The following CSMD3 variants were observed in gnomAD, a reference collection of about 807,000 sequenced individuals.
CSMD3 encodes the protein CUB and sushi domain-containing protein 3.
Under a neutral mutation model 435.2 loss-of-function variants are expected in CSMD3, and 177 were observed. The observed-to-expected ratio is 0.41, with a 90% CI of 0.36 to 0.46. CSMD3 has a LOEUF of 0.46. Among genes scored for constraint, CSMD3 ranks in the 20% least tolerant of loss-of-function variants. The pLI is 0.34. For missense variants in CSMD3, 4,265 were observed against 4,504.6 expected, an observed-to-expected ratio of 0.95 and a Z score of 1.52; for synonymous variants, 1,656 against 1,520.5, an observed-to-expected ratio of 1.09 and a Z score of -2.07.
intron 23 of CSMD3, among the ~76,000 whole-genome samples, chr8:112,582,330 G>C (rs929159751): frequency 6.6e-6 from 1 of 151,918 alleles, no homozygotes; most frequent in African/African-American, 2.4e-5. Flanking sequence ...CATGTTTGTA[G>C]AGCCTGCAGA....
chr8:112,875,884 G>A (rs1188941665), intron 10 of CSMD3, among the ~76,000 whole-genome samples: 1 of 152,032 alleles, frequency 6.6e-6, no homozygotes, highest in East Asian at 1.9e-4. Context: ...GCTTGGAGGA[G>A]TTTGTTATTG....
intron 13 of CSMD3, among the ~76,000 whole-genome samples, chr8:112,717,133 A>G (rs1370058948): frequency 6.6e-6 from 1 of 152,124 alleles, no homozygotes; most frequent in Admixed American, 6.6e-5. Flanking sequence ...TGAACAGGCA[A>G]CCTAAAAAAT....
At chr8:113,136,045 T>G (rs534719459) in intron 4 of CSMD3, among the ~76,000 whole-genome samples, 1 of 151,882 alleles carries the variant, frequency 6.6e-6, no homozygotes, top group South Asian at 2.1e-4. Context: ...ATTGAGAAAC[T>G]TAAGACATAG....
chr8:112,861,565 TAAAC>T (rs1458834037), intron 10 of CSMD3, among the ~76,000 whole-genome samples: 2 of 151,860 alleles, frequency 1.3e-5, no homozygotes, highest in African/African-American at 2.4e-5. Flanking sequence ...TCTATTTACT[TAAAC>T]AAAGCCAAGG....
Position 112,803,045 on chromosome 8 carries a change from A to G in CSMD3, c.1860-2771T>C, listed in dbSNP as rs201327022. On this transcript the variant is annotated intron_variant, in intron 12 of 70. Coordinates refer to ENST00000297405, the MANE Select transcript of CSMD3 (RefSeq NM_198123.2). ...AGTACCAAACCTTTCAGAATTTGTT[A>G]TGATTCTTTGACCTCATCCCCAGCA... Among the ~76,000 whole-genome samples the G allele has an allele frequency of 4.6e-5, 7 of 152,172 alleles. No individual in the cohort carries two copies. In the East Asian group the frequency reaches 1.4e-3, roughly 30 times the overall value.
At chr8:113,023,733 T>C (rs2086771039) in intron 5 of CSMD3, among the ~76,000 whole-genome samples, 1 of 152,126 alleles carries the variant, frequency 6.6e-6, no homozygotes, top group Admixed American at 6.5e-5. Flanking sequence ...CCAATCTCCT[T>C]CTCTGTCCTC....
intron 38 of CSMD3, among the ~76,000 whole-genome samples, chr8:112,355,847 T>C (rs531258294): frequency 6.6e-5 from 10 of 150,518 alleles, no homozygotes; most frequent in Admixed American, 1.3e-4. Context: ...AATAAATAGA[T>C]AAAAAATAAA....
intron 6 of CSMD3, among the ~76,000 whole-genome samples, chr8:112,978,686 C>A (rs1227295921): frequency 6.6e-6 from 1 of 151,870 alleles, no homozygotes; most frequent in Non-Finnish European, 1.5e-5. Context: ...CATAATCTAA[C>A]CAGATATGTA....
rs553984688 is a variant in CSMD3 at position 112,762,149 on chromosome 8, A to G, written c.1972+38013T>C. ...CACACTTATTTCTGAACTAAGAACT[A>G]CTTTATTATGTGAAGTCTTTAACTA... On this transcript the variant is annotated intron_variant, in intron 13 of 70. Coordinates refer to ENST00000297405, the MANE Select transcript of CSMD3 (RefSeq NM_198123.2). 1.1e-4 allele frequency among the ~76,000 whole-genome samples: 17 copies of G among 152,050 alleles called. 1 individual carries two copies. The highest frequency in any genetic ancestry group is 2.1e-4 in the Non-Finnish European group (14 of 67,892).
At chr8:113,409,918 T>A (rs1588679067) in intron 1 of CSMD3, among the ~76,000 whole-genome samples, 1 of 151,716 alleles carries the variant, frequency 6.6e-6, no homozygotes, top group South Asian at 2.1e-4. Flanking sequence ...TAGACCTGGG[T>A]GGAGGGACCA....
intron 32 of CSMD3, among the ~76,000 whole-genome samples, chr8:112,470,894 A>C (rs1317350158): frequency 1.3e-5 from 2 of 151,332 alleles, no homozygotes; most frequent in African/African-American, 4.9e-5. Flanking sequence ...TTTTGTCCAC[A>C]AAAAAAACAA....
chr8:112,975,409 A>C (rs1331003017), intron 7 of CSMD3, among the ~76,000 whole-genome samples: 1 of 152,136 alleles, frequency 6.6e-6, no homozygotes, highest in East Asian at 1.9e-4. Context: ...ATAACATAAA[A>C]ATATCATGCA....
At chr8:112,502,046 G>A (rs569100249) in intron 30 of CSMD3, among the ~76,000 whole-genome samples, 1 of 152,234 alleles carries the variant, frequency 6.6e-6, no homozygotes, top group East Asian at 1.9e-4. Context: ...AGGATTAGGG[G>A]AATACTAGCA....
At chr8:112,453,595 G>A (rs1411143626) in intron 32 of CSMD3, among the ~76,000 whole-genome samples, 2 of 152,054 alleles carry the variant, frequency 1.3e-5, no homozygotes, top group Non-Finnish European at 2.9e-5. Flanking sequence ...ACAAAATAGT[G>A]CTGAAATAAG....
At position 112,267,795 on chromosome 8, in the gene CSMD3, C is replaced by T. The variant is rs185903466; in HGVS notation, c.9509-2205G>A. Among the ~76,000 whole-genome samples, 699 of 152,194 alleles carry T rather than the reference C, an allele frequency of 4.6e-3. 3 individuals carry two copies. The highest frequency in any genetic ancestry group is 6.9e-3 in the Non-Finnish European group (471 of 68,024). ...TGAATGAAATGCGTGACAACAAAAG[C>T]TTTAGAAGGGTTTGTTTGGTGACTT... On this transcript the variant is annotated intron_variant, in intron 59 of 70. Transcript: ENST00000297405.
At chr8:113,199,965 A>G (rs1017800668) in intron 3 of CSMD3, among the ~76,000 whole-genome samples, 1 of 151,826 alleles carries the variant, frequency 6.6e-6, no homozygotes, top group African/African-American at 2.4e-5. Context: ...TTTTATGCTG[A>G]TAACTCTCAC....
chr8:112,925,468 CAGG>C (rs2082880545), intron 9 of CSMD3, among the ~76,000 whole-genome samples: 1 of 151,604 alleles, frequency 6.6e-6, no homozygotes, highest in African/African-American at 2.4e-5. Flanking sequence ...GAGGCTGAGG[CAGG>C]AGAATGGAGT....
chr8:112,743,874 C>T (rs1211426127), intron 13 of CSMD3, among the ~76,000 whole-genome samples: 1 of 151,754 alleles, frequency 6.6e-6, no homozygotes, highest in Non-Finnish European at 1.5e-5. Context: ...CTCACTGGTG[C>T]CAGGATATTT....
chr8:112,386,622 C>G (rs1442860640), intron 36 of CSMD3, among the ~76,000 whole-genome samples: 2 of 151,974 alleles, frequency 1.3e-5, no homozygotes, highest in Non-Finnish European at 2.9e-5. Context: ...CTCAGCCTCC[C>G]GAGTAGCTGG....
Sources: allele counts gnomAD v4.1 joint callset (sites outside exome capture counted in the v4.1 genomes callset), GRCh38; gene constraint gnomAD v4.1.1; transcripts MANE v1.5; gene names NCBI Gene and HGNC (gene_info 2026-07-23, HGNC 2026-07-21).